Variants in SUMF2 observed in about 807,000 individuals in gnomAD.
SUMF2 encodes inactive C-alpha-formylglycine-generating enzyme 2.
A neutral mutation model predicts 44.8 loss-of-function variants in SUMF2; 45 were observed. That is an observed-to-expected ratio of 1.00 (90% confidence interval 0.79 to 1.29). The LOEUF (loss-of-function observed/expected upper bound fraction) is 1.29, where lower values mean the gene tolerates loss of function less well. Ranked by LOEUF, SUMF2 falls within the 50% of genes most tolerant of loss-of-function variation. The pLI is 0.00. For missense variants in SUMF2, 418 were observed against 389.9 expected, an observed-to-expected ratio of 1.07 and a Z score of -0.61; for synonymous variants, 148 against 150.4, an observed-to-expected ratio of 0.98 and a Z score of 0.12.
Position 56,074,195 on chromosome 7 carries a change from G to C in SUMF2, c.361G>C (p.Val121Leu). The change falls in exon 4 of 9, where the codon GTG (valine) becomes CTG (leucine). Residue 121 changes from valine (V) to leucine (L), a missense_variant. Coordinates refer to ENST00000434526, the MANE Select transcript of SUMF2 (RefSeq NM_015411.4). ...PMKSVLWWLP[V>L]EKAFWRQPAG... ...GCAGTCTGTACTCTGGTGGCTTCCA[G>C]TGGAAAAGGCATTTTGGAGGCAGGT... The C allele has an allele frequency of 1.2e-6, 2 of 1,613,974 alleles. No individual in the cohort carries two copies. The highest frequency in any genetic ancestry group is 1.7e-5 in the Admixed American group (1 of 59,976).
chr7:56,070,569 G>A (rs892780744), intron 2 of SUMF2, among the ~76,000 whole-genome samples: 1 of 151,748 alleles, frequency 6.6e-6, no homozygotes, highest in African/African-American at 2.4e-5. Flanking sequence ...GGTTGAGGCT[G>A]TAGTGAGCCA....
At chr7:56,085,664 T>C (rs1444855333), downstream of SUMF2, among the ~76,000 whole-genome samples, 1 of 152,118 alleles carries the variant, frequency 6.6e-6, no homozygotes, top group African/African-American at 2.4e-5. Context: ...GTCAGTGAGA[T>C]CTTTTCAAAA....
intron 1 of SUMF2, among the ~76,000 whole-genome samples, chr7:56,066,420 T>C (rs562697142): frequency 8.5e-5 from 13 of 152,334 alleles, no homozygotes; most frequent in African/African-American, 3.1e-4. Context: ...ATAAGGAGGT[T>C]GAAGCAAAGA....
At chr7:56,086,696 T>C in the SUMF2 span, among the ~76,000 whole-genome samples, 2 of 152,246 alleles carry the variant, frequency 1.3e-5, no homozygotes, top group Middle Eastern at 6.8e-3. Context: ...TAATTATTAG[T>C]ATTCACACTA....
chr7:56,073,178 A>G (rs1399461760), intron 3 of SUMF2, 67 bp downstream of exon 3: 4 of 1,256,460 alleles, frequency 3.2e-6, no homozygotes, highest in Non-Finnish European at 2.3e-6. Context: ...CCTGTGGGAC[A>G]TGGGTTACCT....
Position 56,079,793 on chromosome 7 carries a change from G to A in SUMF2, c.*181G>A. 1 of 1,553,706 alleles carries A rather than the reference G, an allele frequency of 6.4e-7. No homozygotes were observed. The highest frequency in any genetic ancestry group is 8.7e-7 in the Non-Finnish European group (1 of 1,147,780). ...AGGGCAGGAGAGGACTCAGCCTCCT[G>A]TGTTTTGGAGAAGGGGCCCAATGTG... On this transcript the variant is annotated 3_prime_UTR_variant, in exon 9 of 9. Coordinates refer to ENST00000434526, the MANE Select transcript of SUMF2 (RefSeq NM_015411.4).
At chr7:56,083,377 C>G, downstream of SUMF2, 2 of 1,614,122 alleles carry the variant, frequency 1.2e-6, no homozygotes, top group Non-Finnish European at 8.5e-7. Flanking sequence ...GGCTTCAGGT[C>G]CCGGTGCACG....
chr7:56,071,523 A>T (rs1795151344), intron 2 of SUMF2, among the ~76,000 whole-genome samples: 1 of 151,950 alleles, frequency 6.6e-6, no homozygotes, highest in Admixed American at 6.6e-5. Context: ...GCAGTGGCTC[A>T]CACCTGTAAT....
In SUMF2 at chr7:56,064,333, C is replaced by T. The variant is rs372804065; in HGVS notation, c.22C>T (p.Leu8=). 25 of 1,600,346 alleles carry T rather than the reference C, an allele frequency of 1.6e-5. No homozygotes were observed. In the African/African-American group the frequency reaches 2.9e-4, roughly 19 times the overall value. The change falls in exon 1 of 9, where the codon CTG becomes TTG. Residue 8 remains leucine (L), a synonymous_variant. Coordinates refer to ENST00000434526, the MANE Select transcript of SUMF2 (RefSeq NM_015411.4). ...CCTGATGGCCCGGCATGGGTTACCG[C>T]TGCTGCCCCTGCTGTCGCTCCTGGT... The part of the protein sequence containing the change: MARHGLP[L]LPLLSLLVGA...
intron 1 of SUMF2, among the ~76,000 whole-genome samples, chr7:56,066,618 T>C (rs779941707): frequency 6.6e-6 from 1 of 152,038 alleles, no homozygotes; most frequent in Middle Eastern, 3.2e-3. Context: ...TGGCTTATTT[T>C]TGGTTTTGTT....
downstream of SUMF2, chr7:56,081,836 C>CAG: frequency 6.2e-7 from 1 of 1,609,390 alleles, no homozygotes; most frequent in Non-Finnish European, 8.5e-7. This position sits in a 1 kb window ranked among gnomAD's most constrained non-coding sequence, Gnocchi z 4.6. Context: ...CCTCCCCGGG[C>CAG]AGGGGCGCCT....
chr7:56,066,062 C>A (rs1164511795), intron 1 of SUMF2, among the ~76,000 whole-genome samples: 3 of 106,688 alleles, frequency 2.8e-5, no homozygotes, highest in African/African-American at 1.1e-4. Flanking sequence ...ACCGGGACAA[C>A]AGAGCAAGGC....
At chr7:56,083,665 C>G (rs1178308673), downstream of SUMF2, 7 of 1,584,220 alleles carry the variant, frequency 4.4e-6, no homozygotes, top group Non-Finnish European at 6.0e-6. Flanking sequence ...TTCCTTCTCA[C>G]TCAAGGTGAC....
chr7:56,080,913 C>T (rs1222844861), downstream of SUMF2: 5 of 925,972 alleles, frequency 5.4e-6, no homozygotes, highest in Middle Eastern at 3.4e-4. Context: ...GAGAGGGGAT[C>T]GTGGCCTCAG....
chr7:56,069,582 C>T (rs1175289043), intron 2 of SUMF2, among the ~76,000 whole-genome samples: 1 of 151,798 alleles, frequency 6.6e-6, no homozygotes, highest in African/African-American at 2.4e-5. Context: ...TATGAAAATT[C>T]ATTTTATTAT....
At chr7:56,073,677 AGCCAACCTC>A (rs1562865216) in intron 3 of SUMF2, 4 of 175,142 alleles carry the variant, frequency 2.3e-5, no homozygotes, top group Non-Finnish European at 4.9e-5. Flanking sequence ...CACCTTGGCA[AGCCAACCTC>A]TAATAAGGGT....
chr7:56,077,352 G>GT (rs373559931), intron 6 of SUMF2, among the ~76,000 whole-genome samples: 104 of 145,922 alleles, frequency 7.1e-4, no homozygotes, highest in African/African-American at 2.4e-3. Context: ...CCCAGCCAGC[G>GT]TAAGTACTTT....
chr7:56,082,333 C>T (rs1299036108), downstream of SUMF2: 1 of 1,115,992 alleles, frequency 9.0e-7, no homozygotes, highest in African/African-American at 1.5e-5. Flanking sequence ...TGGCTCATTT[C>T]TATAATCCTA....
chr7:56,086,386 T>C, the SUMF2 span, among the ~76,000 whole-genome samples: 1 of 151,894 alleles, frequency 6.6e-6, no homozygotes, highest in Non-Finnish European at 1.5e-5. Flanking sequence ...TATATCACTA[T>C]ACTGTGCCAG....
Sources: gnomAD v4.1 joint callset for allele counts (sites outside exome capture counted in the v4.1 genomes callset) on GRCh38, gnomAD v4.1.1 for gene constraint, Gnocchi (gnomAD v3.1) non-coding constraint, MANE v1.5 for transcripts, NCBI Gene and HGNC (gene_info 2026-07-23, HGNC 2026-07-21) for gene names.